TMEM161B: variants seen among roughly 807,000 people sequenced by gnomAD.
The protein encoded by TMEM161B is transmembrane protein 161B.
TMEM161B carries 34 observed loss-of-function variants against 61.8 expected under a neutral mutation model. That is an observed-to-expected ratio of 0.55 (90% CI 0.42 to 0.73). The LOEUF is 0.73. Ranked by LOEUF, TMEM161B falls within the 30% of genes least tolerant of loss-of-function variation. TMEM161B has a pLI of 0.00. For missense variants in TMEM161B, 456 were observed against 558.5 expected (o/e 0.82, Z 1.85); for synonymous variants, 167 against 192.8 (o/e 0.87, Z 1.11).
In TMEM161B at chr5:88,268,712, A is replaced by G; in HGVS notation, c.3+9T>C. The G allele has an allele frequency of 6.2e-7, 1 of 1,614,100 alleles. No individual in the cohort carries two copies. The highest frequency in any genetic ancestry group is 8.5e-7 in the Non-Finnish European group (1 of 1,179,986). ...CCGTTGTCACTCCTGCCCTCACAGA[A>G]GAACTCACCATGGCGCCTAGGATAG... On this transcript the variant is annotated intron_variant, in intron 1 of 11. Coordinates refer to ENST00000296595, the MANE Select transcript of TMEM161B (RefSeq NM_153354.5).
chr5:88,216,990 C>T (rs1747974862), intron 5 of TMEM161B, among the ~76,000 whole-genome samples: 1 of 152,302 alleles, frequency 6.6e-6, no homozygotes, highest in South Asian at 2.1e-4. Flanking sequence ...AAAGCCAATT[C>T]ATTCATCAGA....
rs114878063 is a variant in TMEM161B, at chr5:88,257,495, T to G, written c.3+11226A>C. ...TAATGCATTAAATAATTAAACACAC[T>G]AGGATCGAAGTAGTTCCGTCACTAA... On this transcript the variant is annotated intron_variant, in intron 1 of 11. Transcript: ENST00000296595. Among the ~76,000 whole-genome samples the G allele has an allele frequency of 4.7e-3, 715 of 152,290 alleles. 11 individuals carry two copies. Among genetic ancestry groups the G allele is most frequent in the African/African-American group, 0.017 (688 of 41,556 alleles).
chr5:88,221,106 C>T (rs755867997), intron 4 of TMEM161B, among the ~76,000 whole-genome samples: 4 of 152,146 alleles, frequency 2.6e-5, no homozygotes, highest in Non-Finnish European at 4.4e-5. Context: ...ACAACTTAGT[C>T]TGGAACACAA....
At chr5:88,206,031 T>A in intron 7 of TMEM161B, 77 bp from the exon 8 acceptor site, 2 of 1,149,460 alleles carry the variant, frequency 1.7e-6, no homozygotes, top group Non-Finnish European at 2.5e-6. Context: ...TCTAATCAAT[T>A]ATCTTACAAA....
intron 1 of TMEM161B, among the ~76,000 whole-genome samples, chr5:88,245,403 T>TA (rs1753456055): frequency 6.6e-6 from 1 of 151,896 alleles, no homozygotes; most frequent in Non-Finnish European, 1.5e-5. Context: ...AATACATTAG[T>TA]AAGTATGCCA....
chr5:88,249,861 C>T (rs891403246), intron 1 of TMEM161B, among the ~76,000 whole-genome samples: 1 of 152,106 alleles, frequency 6.6e-6, no homozygotes, highest in African/African-American at 2.4e-5. Flanking sequence ...GGGAGTATCC[C>T]CACGTGGTCA....
intron 4 of TMEM161B, among the ~76,000 whole-genome samples, chr5:88,223,361 G>C (rs1371952254): frequency 6.6e-6 from 1 of 151,850 alleles, no homozygotes; most frequent in Non-Finnish European, 1.5e-5. Context: ...AGCTGACAAA[G>C]TATTCAATAA....
In TMEM161B at chr5:88,207,158, T is replaced by A. The variant is rs1410114382; in HGVS notation, c.469A>T (p.Thr157Ser). 6.2e-7 allele frequency: 1 copy of A among 1,609,094 alleles called. No individual in the cohort carries two copies. The highest frequency in any genetic ancestry group is 8.5e-7 in the Non-Finnish European group (1 of 1,178,576). ...FAIKVLFSLT[T>S]HYFKVEDGGE... ...CCATCTTCTACTTTAAAATAGTGTG[T>A]AGTTAATGAAAATAGAACTTTGCTG... The change falls in exon 6 of 12, where the codon ACA becomes TCA. Residue 157 changes from threonine (T) to serine (S), a missense_variant. Thr to Ser is a moderately conservative substitution (Grantham distance 58). Coordinates refer to ENST00000296595, the MANE Select transcript of TMEM161B (RefSeq NM_153354.5).
intron 1 of TMEM161B, among the ~76,000 whole-genome samples, chr5:88,266,637 T>C (rs1756414153): frequency 6.6e-6 from 1 of 152,214 alleles, no homozygotes; most frequent in Non-Finnish European, 1.5e-5. Context: ...CTGGGGTCAA[T>C]ACTAATGTTC....
Position 88,238,752 on chromosome 5 carries a change from G to T in TMEM161B, c.107+2061C>A, listed in dbSNP as rs1289242867. On this transcript the variant is annotated intron_variant, in intron 2 of 11. Coordinates refer to ENST00000296595, the MANE Select transcript of TMEM161B (RefSeq NM_153354.5). ...ACAGAATTATTATATATTACAAAAG[G>T]CTCATAAAATAATAATTATGCCAAA... is the stretch of plus-strand genomic sequence containing the variant. Among the ~76,000 whole-genome samples, 3 of 151,526 alleles carry T rather than the reference G, an allele frequency of 2.0e-5. No individual in the cohort carries two copies. The East Asian group carries it at 5.8e-4, about 29-fold the overall frequency.
intron 1 of TMEM161B, among the ~76,000 whole-genome samples, chr5:88,253,744 T>C (rs1282916803): frequency 2.0e-5 from 3 of 152,132 alleles, no homozygotes; most frequent in Admixed American, 2.0e-4. Context: ...GGAACTATAT[T>C]AGAAATCCAC....
At chr5:88,246,212 ATTC>A (rs1190414015) in intron 1 of TMEM161B, among the ~76,000 whole-genome samples, 1 of 151,768 alleles carries the variant, frequency 6.6e-6, no homozygotes, top group Non-Finnish European at 1.5e-5. Flanking sequence ...ATATTATTAT[ATTC>A]TTCTATATAA....
intron 3 of TMEM161B, among the ~76,000 whole-genome samples, chr5:88,226,753 TG>T (rs1209719683): frequency 6.6e-6 from 1 of 152,204 alleles, no homozygotes; most frequent in Non-Finnish European, 1.5e-5. Context: ...TGTATCTTTT[TG>T]TAACTATAAG....
chr5:88,220,545 T>C lies in TMEM161B; in HGVS notation c.446+18A>G. 1.3e-6 allele frequency: 2 copies of C among 1,518,728 alleles called. No homozygotes were observed. Among genetic ancestry groups the C allele is most frequent in the Non-Finnish European group, 1.8e-6 (2 of 1,139,560 alleles). The allele number at this position is 1,518,728 out of a possible 1,614,324, so 94.1% of individuals were successfully genotyped here. ...TATCTGCAAAATAAATTAATATTAA[T>C]GATGTTTTGAAGGATACATTGCAAA... On this transcript the variant is annotated intron_variant, in intron 5 of 11. Transcript: ENST00000296595.
intron 1 of TMEM161B, among the ~76,000 whole-genome samples, chr5:88,250,396 T>A (rs933186618): frequency 6.6e-6 from 1 of 152,042 alleles, no homozygotes; most frequent in Non-Finnish European, 1.5e-5. Context: ...AAAAAGCCTA[T>A]CATTAATATT....
At chr5:88,209,103 T>C (rs1363115805) in intron 5 of TMEM161B, among the ~76,000 whole-genome samples, 5 of 152,228 alleles carry the variant, frequency 3.3e-5, no homozygotes, top group Admixed American at 2.6e-4. Flanking sequence ...GTTTTGGATT[T>C]TGGAGCATTT....
chr5:88,203,777 AT>A lies in TMEM161B; in HGVS notation c.801-703del, dbSNP rs1744883738. 6.5e-3 allele frequency among the ~76,000 whole-genome samples: 68 copies of A among 10,464 alleles called. 5 individuals are homozygous for A. The highest frequency in any genetic ancestry group is 0.033 in the South Asian group (14 of 418). 6.9% of individuals were successfully genotyped at this position (10,464 alleles called of 152,430 possible). A position where few individuals can be genotyped will look rare whatever the true frequency, so the allele number is the denominator to read the frequency against. On this transcript the variant is annotated intron_variant, in intron 8 of 11. Transcript: ENST00000296595. Reference sequence around the variant, plus strand: ...TATATATATATATATATATATATATATATATATATATATATATATATATATA... The same window carrying A: ...TATATATATATATATATATATATATAATATATATATATATATATATATATA...
chr5:88,230,805 A>T (rs1322450734), intron 2 of TMEM161B, among the ~76,000 whole-genome samples: 3 of 152,168 alleles, frequency 2.0e-5, no homozygotes, highest in African/African-American at 2.4e-5. Flanking sequence ...TCCTTATAAA[A>T]ACAAGAGTGT....
chr5:88,205,523 T>C (rs1425475834), intron 8 of TMEM161B, among the ~76,000 whole-genome samples: 1 of 152,068 alleles, frequency 6.6e-6, no homozygotes, highest in African/African-American at 2.4e-5. Context: ...TCAGTTTAGT[T>C]GTAGAGATTG....
Sources: gnomAD v4.1 joint callset for allele counts (sites outside exome capture counted in the v4.1 genomes callset) on GRCh38, gnomAD v4.1.1 for gene constraint, MANE v1.5 for transcripts, NCBI Gene and HGNC (gene_info 2026-07-23, HGNC 2026-07-21) for gene names.